The following TFB1M variants were observed in gnomAD, a reference collection of about 807,000 sequenced individuals.
TFB1M encodes the protein dimethyladenosine transferase 1, mitochondrial.
A neutral mutation model predicts 31.1 loss-of-function variants in TFB1M; 27 were observed. The ratio of observed to expected loss-of-function variants is 0.87; its 90% CI spans 0.64 to 1.20. The LOEUF (loss-of-function observed/expected upper bound fraction) is 1.20, where lower values mean the gene tolerates loss of function less well. TFB1M is among the 50% of genes most tolerant of loss of function. The pLI, the probability that TFB1M is intolerant of heterozygous loss-of-function variation, is 0.00. For synonymous variants in TFB1M, 166 were observed against 151.8 expected, an observed-to-expected ratio of 1.09 and a Z score of -0.69; for missense variants, 394 against 418.7, an observed-to-expected ratio of 0.94 and a Z score of 0.51.
chr6:155,292,292 G>C (rs1467273808), intron 4 of TFB1M, among the ~76,000 whole-genome samples: 2 of 152,166 alleles, frequency 1.3e-5, no homozygotes, highest in East Asian at 3.9e-4. Context: ...AGCAGCGGGT[G>C]GGGGAGACAG....
intron 5 of TFB1M, among the ~76,000 whole-genome samples, chr6:155,268,590 A>G (rs933023965): frequency 6.6e-6 from 1 of 152,230 alleles, no homozygotes; most frequent in Non-Finnish European, 1.5e-5. Flanking sequence ...ACCACACACT[A>G]AGGGAAGCTA....
intron 4 of TFB1M, among the ~76,000 whole-genome samples, chr6:155,290,732 A>G (rs1038797010): frequency 6.6e-6 from 1 of 152,208 alleles, no homozygotes; most frequent in Non-Finnish European, 1.5e-5. Context: ...AATAGAGTAC[A>G]TAGTATTTTG....
chr6:155,305,582 AAATTATATATTTATATATAAATAT>A (rs1195297804), intron 2 of TFB1M, among the ~76,000 whole-genome samples: 27 of 57,608 alleles, frequency 4.7e-4, no homozygotes, highest in East Asian at 9.9e-4. Flanking sequence ...TATATATATT[AAATTATATATTTATATATAAATAT>A]ATATATATTA....
At chr6:155,290,388 CAA>C (rs1189869721) in intron 4 of TFB1M, among the ~76,000 whole-genome samples, 1 of 107,560 alleles carries the variant, frequency 9.3e-6, no homozygotes. Context: ...GACTCGGCCT[CAA>C]AAAAAAAAAA....
intron 4 of TFB1M, among the ~76,000 whole-genome samples, chr6:155,286,637 A>ATG (rs199975323): frequency 9.1e-5 from 12 of 131,908 alleles, no homozygotes; most frequent in African/African-American, 2.2e-4. Context: ...GTGTGCATAT[A>ATG]TGTGTGTGTG....
intron 5 of TFB1M, among the ~76,000 whole-genome samples, chr6:155,280,361 C>A (rs976885681): frequency 1.6e-4 from 25 of 152,302 alleles, no homozygotes; most frequent in Middle Eastern, 3.4e-3. Context: ...CTGCTCCCTG[C>A]AAAGACTGGC....
At chr6:155,232,603 C>T in the TFB1M span, 1 of 152,214 alleles carries the variant, frequency 6.6e-6, no homozygotes, top group Non-Finnish European at 1.5e-5. Context: ...TGGGGAAACT[C>T]TGAGGACATG....
chr6:155,256,453 A>G lies in TFB1M; in HGVS notation c.*1383T>C. 2 of 1,613,796 alleles carry G rather than the reference A, an allele frequency of 1.2e-6. No homozygotes were observed. Among genetic ancestry groups the G allele is most frequent in the African/African-American group, 1.3e-5 (1 of 75,060 alleles). ...TACACATTGTGTAACCTGTTTCTGT[A>G]TCACAGCGAAATGTGTTTTTCTCAC... On this transcript the variant is annotated 3_prime_UTR_variant, in exon 7 of 7. Transcript: ENST00000367166.
chr6:155,236,913 CCA>C, the TFB1M span, among the ~76,000 whole-genome samples: 39 of 152,278 alleles, frequency 2.6e-4, no homozygotes, highest in Admixed American at 6.5e-4. Flanking sequence ...CCAAACCATA[CCA>C]TTTTGCCCTG....
At chr6:155,237,141 A>T in the TFB1M span, among the ~76,000 whole-genome samples, 1 of 152,244 alleles carries the variant, frequency 6.6e-6, no homozygotes, top group Admixed American at 6.5e-5. Flanking sequence ...GGGTAAATAC[A>T]GCCATTCCAA....
At chr6:155,307,964 G>A (rs1437760764) in intron 2 of TFB1M, among the ~76,000 whole-genome samples, 1 of 151,542 alleles carries the variant, frequency 6.6e-6, no homozygotes, top group Non-Finnish European at 1.5e-5. Context: ...GGGTACGAGT[G>A]ATTTACGAAT....
the TFB1M span, chr6:155,251,055 C>T: frequency 1.9e-6 from 3 of 1,586,186 alleles, 1 homozygote; most frequent in South Asian, 3.3e-5. Context: ...GCAGACTGAA[C>T]AGAGGCTGGG....
At chr6:155,240,703 C>T in the TFB1M span, 27 of 1,610,822 alleles carry the variant, frequency 1.7e-5, no homozygotes, top group Admixed American at 6.7e-5. Flanking sequence ...AGAAGTCCTA[C>T]GTGAAGGTAA....
intron 1 of TFB1M, among the ~76,000 whole-genome samples, chr6:155,312,014 A>C (rs1778035733): frequency 1.3e-5 from 2 of 152,220 alleles, no homozygotes; most frequent in Non-Finnish European, 1.5e-5. Flanking sequence ...AGCCCTTAAG[A>C]CATCATAAAA....
chr6:155,298,651 T>C, intron 2 of TFB1M, 66 bp from the exon 3 acceptor site: 1 of 1,090,140 alleles, frequency 9.2e-7, no homozygotes, highest in Non-Finnish European at 1.4e-6. Flanking sequence ...CTAAACTTTT[T>C]AAACCTGTGC....
intron 4 of TFB1M, among the ~76,000 whole-genome samples, chr6:155,286,986 A>T (rs226314): frequency 0.57 from 87,256 of 151,888 alleles, 25,901 homozygotes; most frequent in East Asian, 0.84. Context: ...TAGCTAATAG[A>T]ATATATAAGG....
chr6:155,292,309 G>A (rs897639966), intron 4 of TFB1M, among the ~76,000 whole-genome samples: 5 of 152,174 alleles, frequency 3.3e-5, no homozygotes, highest in South Asian at 2.1e-4. Context: ...ACAGGAACAG[G>A]AGAGGGAGAG....
rs181807407 is a variant in TFB1M, at chr6:155,286,419, A to G, written c.547-1142T>C. On this transcript the variant is annotated intron_variant, in intron 4 of 6. Transcript: ENST00000367166. ...GTATGTATATACATCTTTCTAAAATATATGTATCTATGTATGTCTTTTCTT... is the reference window on the plus strand; with the variant it reads ...GTATGTATATACATCTTTCTAAAATGTATGTATCTATGTATGTCTTTTCTT... Among the ~76,000 whole-genome samples, 149 of 151,308 alleles carry G rather than the reference A, an allele frequency of 9.8e-4. 3 individuals carry two copies. Among genetic ancestry groups the G allele is most frequent in the South Asian group, 6.3e-3 (30 of 4,800 alleles).
chr6:155,276,442 A>G, intron 5 of TFB1M: 2 of 1,408,200 alleles, frequency 1.4e-6, no homozygotes, highest in Non-Finnish European at 1.9e-6. Flanking sequence ...TAGATTAAAA[A>G]AAAATCAGAA....
Sources: gnomAD v4.1 joint callset for allele counts (sites outside exome capture counted in the v4.1 genomes callset) on GRCh38, gnomAD v4.1.1 for gene constraint, MANE v1.5 for transcripts, NCBI Gene and HGNC (gene_info 2026-07-23, HGNC 2026-07-21) for gene names.